RPGRIP1: variants seen among roughly 807,000 people sequenced by gnomAD.
RPGRIP1 encodes RPGR interacting protein 1, also known as X-linked retinitis pigmentosa GTPase regulator-interacting protein 1.
A neutral mutation model predicts 157.9 loss-of-function variants in RPGRIP1; 128 were observed. That is an observed-to-expected ratio of 0.81 (90% CI 0.70 to 0.94). The LOEUF is 0.94. RPGRIP1 is among the 40% of genes least tolerant of loss of function. The probability of loss-of-function intolerance (pLI) is 0.00; values close to 1 mark genes in which losing one functional copy is unlikely to be tolerated. For synonymous variants in RPGRIP1, 554 were observed against 571.6 expected (o/e 0.97, Z 0.44); for missense variants, 1,486 against 1,545.8 (o/e 0.96, Z 0.65).
At position 21,310,677 on chromosome 14, in the gene RPGRIP1, A is replaced by G. The variant is rs1309766581; in HGVS notation, c.930+70A>G. On this transcript the variant is annotated intron_variant, in intron 8 of 24. Coordinates refer to ENST00000400017, the MANE Select transcript of RPGRIP1 (RefSeq NM_020366.4). ...ATCAAACCCAAAGAAATCTATGTTC[A>G]TCTCCAAGTAACATAACACCAGAAT... The G allele has an allele frequency of 1.1e-5, 9 of 838,264 alleles. No homozygotes were observed. The East Asian group carries it at 2.4e-4, about 22-fold the overall frequency. 51.9% of individuals were successfully genotyped at this position (838,264 alleles called of 1,614,324 possible). A position where few individuals can be genotyped will look rare whatever the true frequency, so the allele number is the denominator to read the frequency against.
rs1189116240 is a variant in RPGRIP1 at position 21,333,483 on chromosome 14, T to G, written c.3239-1122T>G. Among the ~76,000 whole-genome samples the G allele has an allele frequency of 2.0e-5, 3 of 152,296 alleles. No individual in the cohort carries two copies. In the East Asian group the frequency reaches 5.8e-4, roughly 29 times the overall value. ...GCTATGTAACAATCTACTCCAAAACTTAATGACTTAAAACAATTGTCATTT... is the reference window on the plus strand; with the variant it reads ...GCTATGTAACAATCTACTCCAAAACGTAATGACTTAAAACAATTGTCATTT... On this transcript the variant is annotated intron_variant, in intron 20 of 24. Coordinates refer to ENST00000400017, the MANE Select transcript of RPGRIP1 (RefSeq NM_020366.4).
chr14:21,297,792 A>G (rs1163120179), intron 3 of RPGRIP1, among the ~76,000 whole-genome samples: 3 of 151,408 alleles, frequency 2.0e-5, no homozygotes, highest in Non-Finnish European at 4.4e-5. Context: ...TCATGCTGTC[A>G]GAAAGCAAGC....
chr14:21,316,684 G>A (rs998350443), intron 10 of RPGRIP1, among the ~76,000 whole-genome samples: 16 of 152,088 alleles, frequency 1.1e-4, no homozygotes, highest in African/African-American at 3.9e-4. Context: ...CCAAAGTGTT[G>A]CGATTGCAGG....
chr14:21,328,400 G>A (rs753310618), intron 18 of RPGRIP1, 24 bp from the exon 19 acceptor site: 2 of 1,564,424 alleles, frequency 1.3e-6, no homozygotes, highest in Admixed American at 1.8e-5. Context: ...AGCTTGTAAT[G>A]CTATCTCTGA....
Position 21,325,481 on chromosome 14 carries a change from T to C in RPGRIP1, c.2367+98T>C. The stretch of plus-strand genomic sequence containing the variant: ...CCACTCTCAATAAGTGTTTGTTGAA[T>C]GTGAATGAAAGAGAAAACTGTCACA... On this transcript the variant is annotated intron_variant, in intron 16 of 24. Transcript: ENST00000400017. 4.2e-6 allele frequency: 5 copies of C among 1,184,204 alleles called. 1 individual carries two copies. In the East Asian group the frequency reaches 1.3e-4, roughly 30 times the overall value. 73.4% of individuals were successfully genotyped at this position (1,184,204 alleles called of 1,614,324 possible). A position where few individuals can be genotyped will look rare whatever the true frequency, so the allele number is the denominator to read the frequency against.
intron 9 of RPGRIP1, 76 bp from the exon 10 acceptor site, chr14:21,312,357 C>A: frequency 3.0e-6 from 3 of 1,007,038 alleles, no homozygotes; most frequent in Non-Finnish European, 4.4e-6. Flanking sequence ...ACGCCCCTCC[C>A]TGCCATGGAC....
chr14:21,314,551 C>CG (rs1323738246), intron 10 of RPGRIP1, among the ~76,000 whole-genome samples: 2 of 149,656 alleles, frequency 1.3e-5, no homozygotes. Flanking sequence ...CAGGAGTTCA[C>CG]GACCAGCCTG....
Position 21,316,098 on chromosome 14 carries a change from C to T in RPGRIP1, c.1152-1598C>T, listed in dbSNP as rs1881790938. On this transcript the variant is annotated intron_variant, in intron 10 of 24. Coordinates refer to ENST00000400017, the MANE Select transcript of RPGRIP1 (RefSeq NM_020366.4). The stretch of plus-strand genomic sequence containing the variant: ...GTTTAAGCTATTCTTCTGCCTCAGC[C>T]TCCTGAGTAGCTGGGATTATAGGTG... 2.6e-5 allele frequency among the ~76,000 whole-genome samples: 4 copies of T among 151,592 alleles called. No individual in the cohort carries two copies. The South Asian group carries it at 8.3e-4, about 32-fold the overall frequency.
At chr14:21,350,880 T>A (rs1458989645) in intron 24 of RPGRIP1, among the ~76,000 whole-genome samples, 1 of 152,188 alleles carries the variant, frequency 6.6e-6, no homozygotes, top group Non-Finnish European at 1.5e-5. Flanking sequence ...TTCCAATTTG[T>A]CCATTCTGGT....
chr14:21,343,256 T>G, intron 22 of RPGRIP1, 28 bp downstream of exon 22: 1 of 1,557,260 alleles, frequency 6.4e-7, no homozygotes, highest in Non-Finnish European at 8.8e-7. Flanking sequence ...GTTACTGGGG[T>G]GAGGAAGTCT....
Position 21,345,120 on chromosome 14 carries a change from C to G in RPGRIP1, c.3540C>G (p.Asp1180Glu). The change falls in exon 23 of 25, where the codon GAC (aspartate) becomes GAG (glutamate). Residue 1180 changes from aspartate to glutamate, a missense_variant. Asp to Glu is a conservative substitution (Grantham distance 45). Transcript: ENST00000400017. Reference sequence around the variant, plus strand: ...CTCTTACCCTTAATACAGTAATAGACCTGGACCCACAGGAGCAGCAAGGCC... The same window carrying G: ...CTCTTACCCTTAATACAGTAATAGAGCTGGACCCACAGGAGCAGCAAGGCC... ...EIHFHFSKVI[D>E]LDPQEQQGRR... The G allele has an allele frequency of 6.2e-7, 1 of 1,611,126 alleles. No homozygotes were observed. The highest frequency in any genetic ancestry group is 2.2e-5 in the East Asian group (1 of 44,854).
At chr14:21,333,068 C>T (rs1227809643) in intron 20 of RPGRIP1, among the ~76,000 whole-genome samples, 1 of 152,174 alleles carries the variant, frequency 6.6e-6, no homozygotes, top group South Asian at 2.1e-4. Flanking sequence ...CCATTGCACT[C>T]CAGCCTGGGC....
intron 2 of RPGRIP1, 54 bp from the exon 3 acceptor site, chr14:21,294,623 G>A: frequency 1.3e-6 from 2 of 1,579,246 alleles, no homozygotes; most frequent in East Asian, 2.3e-5. Context: ...CATCTAAAGG[G>A]TTCAAAAAAT....
chr14:21,297,385 G>A lies in RPGRIP1; in HGVS notation c.218+2576G>A, dbSNP rs149355202. On this transcript the variant is annotated intron_variant, in intron 3 of 24. Transcript: ENST00000400017. ...GCTGGGATTACAGGTGTGAGCCACC[G>A]CGCCTGTCCCAGTGGGAAAAACTCT... 6.9e-4 allele frequency among the ~76,000 whole-genome samples: 105 copies of A among 152,222 alleles called. 1 individual carries two copies. The highest frequency in any genetic ancestry group is 2.9e-3 in the Admixed American group (44 of 15,266).
intron 20 of RPGRIP1, among the ~76,000 whole-genome samples, chr14:21,331,835 G>A (rs1883825297): frequency 6.6e-6 from 1 of 150,564 alleles, no homozygotes; most frequent in Non-Finnish European, 1.5e-5. Context: ...ATAATGAGAG[G>A]AAAAATATAA....
rs7144592 is a variant in RPGRIP1, at chr14:21,303,763, G to A, written c.800+220G>A. 0.24 allele frequency among the ~76,000 whole-genome samples: 36,307 copies of A among 151,786 alleles called. 4,606 individuals are homozygous for A. Among genetic ancestry groups the A allele is most frequent in the South Asian group, 0.29 (1,408 of 4,814 alleles). On this transcript the variant is annotated intron_variant, in intron 6 of 24. Coordinates refer to ENST00000400017, the MANE Select transcript of RPGRIP1 (RefSeq NM_020366.4). ...GCACTTTGGGAGGCCGAGGCAGGCC[G>A]ATCACCTGAGGTCAGGAGTTCGAGA...
chr14:21,282,770 C>T (rs76014628), intron 1 of RPGRIP1, among the ~76,000 whole-genome samples: 25,164 of 151,806 alleles, frequency 0.17, 2,622 homozygotes, highest in South Asian at 0.25. Flanking sequence ...CCACCACACC[C>T]GGCTAATTTT....
chr14:21,310,533 AT>A, intron 7 of RPGRIP1, 50 bp from the exon 8 acceptor site: 1 of 941,970 alleles, frequency 1.1e-6, no homozygotes, highest in Non-Finnish European at 1.6e-6. Flanking sequence ...AGTGATAAAT[AT>A]ATCATGAAAT....
At chr14:21,309,344 T>C (rs1881450509) in intron 7 of RPGRIP1, among the ~76,000 whole-genome samples, 1 of 151,974 alleles carries the variant, frequency 6.6e-6, no homozygotes, top group Non-Finnish European at 1.5e-5. Context: ...AAACCCCATC[T>C]CTATCAAAAA....
Sources: allele counts gnomAD v4.1 joint callset (sites outside exome capture counted in the v4.1 genomes callset), GRCh38; gene constraint gnomAD v4.1.1; transcripts MANE v1.5; gene names NCBI Gene and HGNC (gene_info 2026-07-23, HGNC 2026-07-21).